Variants in ADAMTSL3 observed in about 807,000 individuals in gnomAD.
ADAMTSL3 encodes ADAMTS like 3, also known as ADAMTS-like protein 3.
In ADAMTSL3, 128 loss-of-function variants were observed where a neutral mutation model predicts 201.7. The observed-to-expected ratio is 0.63, with a 90% CI of 0.55 to 0.73. The LOEUF (loss-of-function observed/expected upper bound fraction) is 0.73. Ranked by LOEUF, ADAMTSL3 falls within the 30% of genes least tolerant of loss-of-function variation. ADAMTSL3 has a pLI of 0.00. For synonymous variants in ADAMTSL3, 738 were observed against 748.4 expected (o/e 0.99, Z 0.23); for missense variants, 1,990 against 2,119.6 (o/e 0.94, Z 1.20).
intron 24 of ADAMTSL3, 127 bp downstream of exon 24, chr15:84,014,851 C>T: frequency 1.1e-6 from 1 of 944,792 alleles, no homozygotes; most frequent in Non-Finnish European, 1.6e-6. Flanking sequence ...ATTGCTGCCA[C>T]TGCCTGCTTA....
At chr15:83,878,314 A>G (rs1044932870) in intron 9 of ADAMTSL3, among the ~76,000 whole-genome samples, 2 of 152,100 alleles carry the variant, frequency 1.3e-5, no homozygotes, top group African/African-American at 4.8e-5. Context: ...TATTCTTTTC[A>G]ATTAGAATTT....
At chr15:83,725,863 T>G (rs1444450875) in intron 3 of ADAMTSL3, among the ~76,000 whole-genome samples, 1 of 152,144 alleles carries the variant, frequency 6.6e-6, no homozygotes, top group Non-Finnish European at 1.5e-5. Flanking sequence ...TCAGGATAGC[T>G]TTGGCTATTC....
intron 6 of ADAMTSL3, among the ~76,000 whole-genome samples, chr15:83,825,358 C>G (rs1468900191): frequency 6.6e-6 from 1 of 152,170 alleles, no homozygotes; most frequent in Non-Finnish European, 1.5e-5. Flanking sequence ...TGCCTATAAT[C>G]ACAACACTTT....
intron 23 of ADAMTSL3, among the ~76,000 whole-genome samples, chr15:84,000,572 C>A (rs949343288): frequency 2.0e-5 from 3 of 152,124 alleles, no homozygotes; most frequent in Non-Finnish European, 2.9e-5. Flanking sequence ...CTGGTTTCTG[C>A]AGCTATATAG....
chr15:84,018,379 A>C (rs1276291221), intron 25 of ADAMTSL3, among the ~76,000 whole-genome samples: 1 of 152,240 alleles, frequency 6.6e-6, no homozygotes. Flanking sequence ...AGTGTTGGAC[A>C]GGGTGGTGTT....
At chr15:83,916,101 G>T (rs191019417) in intron 16 of ADAMTSL3, among the ~76,000 whole-genome samples, 1 of 152,128 alleles carries the variant, frequency 6.6e-6, no homozygotes. Context: ...GTGGCACTGC[G>T]CACCTTTTGC....
chr15:83,950,511 A>C (rs1028737296), intron 19 of ADAMTSL3, among the ~76,000 whole-genome samples: 2 of 151,832 alleles, frequency 1.3e-5, no homozygotes, highest in African/African-American at 4.8e-5. Flanking sequence ...GTTCTTTATA[A>C]ATTTTAGGAT....
At chr15:83,927,330 C>T (rs967928747) in intron 17 of ADAMTSL3, among the ~76,000 whole-genome samples, 2 of 151,852 alleles carry the variant, frequency 1.3e-5, no homozygotes, top group Non-Finnish European at 2.9e-5. Flanking sequence ...TTGGCCAGGC[C>T]GATCTCAAAC....
chr15:83,948,411 TACACACAC>T (rs72124987), intron 19 of ADAMTSL3, among the ~76,000 whole-genome samples: 2,274 of 145,730 alleles, frequency 0.016, 27 homozygotes, highest in South Asian at 0.025. Context: ...AAAGCTTATT[TACACACAC>T]ACACACACAC....
intron 3 of ADAMTSL3, among the ~76,000 whole-genome samples, chr15:83,726,002 A>G (rs1235015464): frequency 6.6e-6 from 1 of 152,112 alleles, no homozygotes; most frequent in Admixed American, 6.6e-5. Flanking sequence ...CATTTTAACG[A>G]TATTGATTCT....
chr15:84,012,603 A>G (rs558325197), intron 23 of ADAMTSL3, among the ~76,000 whole-genome samples: 4 of 152,272 alleles, frequency 2.6e-5, no homozygotes, highest in East Asian at 3.9e-4. Flanking sequence ...TAGAATTACA[A>G]TGGGCCCAAC....
intron 3 of ADAMTSL3, among the ~76,000 whole-genome samples, chr15:83,707,634 G>A (rs1212293470): frequency 6.6e-6 from 1 of 152,132 alleles, no homozygotes; most frequent in African/African-American, 2.4e-5. Context: ...CCACCATTCA[G>A]ACTTTTATCA....
chr15:83,715,491 T>A (rs1157529635), intron 3 of ADAMTSL3, among the ~76,000 whole-genome samples: 1 of 152,166 alleles, frequency 6.6e-6, no homozygotes, highest in Non-Finnish European at 1.5e-5. Context: ...CCCTTTGAGA[T>A]TCTCTTATTA....
rs139281547 is a variant in ADAMTSL3, at chr15:83,706,281, A to G, written c.189+1773A>G. 3.6e-3 allele frequency among the ~76,000 whole-genome samples: 546 copies of G among 152,300 alleles called. 1 individual carries two copies. Among genetic ancestry groups the G allele is most frequent in the African/African-American group, 0.013 (524 of 41,566 alleles). On this transcript the variant is annotated intron_variant, in intron 3 of 29. Transcript: ENST00000286744. ...CAGATACTTTATATTTAACATAATA[A>G]CAATATAAAAGCTGGGAAAAGGGGA...
chr15:83,664,569 C>A (rs1404722391), intron 2 of ADAMTSL3, among the ~76,000 whole-genome samples: 1 of 152,242 alleles, frequency 6.6e-6, no homozygotes, highest in Non-Finnish European at 1.5e-5. Flanking sequence ...CAGCCACTAA[C>A]TCCCATTTTT....
At chr15:83,965,504 C>A (rs976502207) in intron 19 of ADAMTSL3, among the ~76,000 whole-genome samples, 3 of 152,124 alleles carry the variant, frequency 2.0e-5, no homozygotes, top group African/African-American at 7.2e-5. Context: ...TATACATGCA[C>A]CCAATACAGG....
intron 4 of ADAMTSL3, among the ~76,000 whole-genome samples, chr15:83,801,942 A>G (rs2141856335): frequency 6.6e-6 from 1 of 151,966 alleles, no homozygotes; most frequent in South Asian, 2.1e-4. Flanking sequence ...TTTTATATCA[A>G]GTACTAACAC....
intron 17 of ADAMTSL3, among the ~76,000 whole-genome samples, chr15:83,924,879 T>C (rs2066220084): frequency 6.6e-6 from 1 of 152,188 alleles, no homozygotes; most frequent in Non-Finnish European, 1.5e-5. Context: ...CTCCTGCCTC[T>C]CCTACCTCTT....
At chr15:83,780,094 T>C (rs909937756) in intron 4 of ADAMTSL3, among the ~76,000 whole-genome samples, 1 of 151,726 alleles carries the variant, frequency 6.6e-6, no homozygotes, top group Non-Finnish European at 1.5e-5. Context: ...CTGAAGGAGA[T>C]TGAGAGACAA....
Sources: allele counts gnomAD v4.1 joint callset (sites outside exome capture counted in the v4.1 genomes callset), GRCh38; gene constraint gnomAD v4.1.1; transcripts MANE v1.5; gene names NCBI Gene and HGNC (gene_info 2026-07-23, HGNC 2026-07-21).